The following ZNF365 variants were observed in gnomAD, a reference collection of about 807,000 sequenced individuals.
The protein encoded by ZNF365 is protein ZNF365.
ZNF365 carries 22 observed loss-of-function variants against 35.0 expected under a neutral mutation model. The ratio of observed to expected loss-of-function variants is 0.63; its 90% CI spans 0.45 to 0.90. ZNF365 has a LOEUF of 0.90. ZNF365 is among the 40% of genes least tolerant of loss of function. The pLI is 0.00. For synonymous variants in ZNF365, 188 were observed against 196.2 expected, an observed-to-expected ratio of 0.96 and a Z score of 0.35; for missense variants, 448 against 500.3, an observed-to-expected ratio of 0.90 and a Z score of 1.00.
chr10:62,459,911 A>T (rs1564598220), intron 4 of ZNF365: 1 of 874,294 alleles, frequency 1.1e-6, no homozygotes, highest in Non-Finnish European at 1.8e-6. Flanking sequence ...TTTCTGTATG[A>T]AAACACACAT....
intron 4 of ZNF365, among the ~76,000 whole-genome samples, chr10:62,474,954 C>T (rs1351173311): frequency 3.3e-5 from 5 of 152,192 alleles, no homozygotes. Flanking sequence ...TCCAACCCTA[C>T]TTCTTTACTT....
At chr10:62,388,257 A>G (rs1839556740) in intron 2 of ZNF365, 139 bp from the exon 3 acceptor site, 1 of 811,780 alleles carries the variant, frequency 1.2e-6, no homozygotes, top group African/African-American at 1.7e-5. Context: ...CAAAGAGGTG[A>G]TTACCTCTCT....
exon 5 of ZNF365, chr10:62,480,019 C>CCTG: frequency 6.7e-7 from 1 of 1,482,926 alleles, no homozygotes; most frequent in South Asian, 1.3e-5. Flanking sequence ...ACTCCAGGAA[C>CCTG]TTTACAAGAA....
At chr10:62,407,191 C>A (rs117879220), downstream of ZNF365, among the ~76,000 whole-genome samples, 20 of 152,108 alleles carry the variant, frequency 1.3e-4, no homozygotes, top group Non-Finnish European at 2.9e-5. Context: ...CAAAAATAAA[C>A]CAAGCTGGCA....
chr10:62,468,094 C>T (rs542629168), intron 4 of ZNF365, among the ~76,000 whole-genome samples: 8 of 152,134 alleles, frequency 5.3e-5, no homozygotes, highest in African/African-American at 9.6e-5. Context: ...CTTTATGAGT[C>T]GCTTTAAGAT....
exon 5 of ZNF365, chr10:62,480,048 C>A: frequency 1.4e-6 from 2 of 1,379,980 alleles, no homozygotes; most frequent in South Asian, 2.9e-5. Flanking sequence ...TACTTGGTGA[C>A]TTTACTCACC....
chr10:62,441,739 A>G (rs560679425), intron 3 of ZNF365, among the ~76,000 whole-genome samples: 2 of 152,318 alleles, frequency 1.3e-5, no homozygotes, highest in East Asian at 3.9e-4. Context: ...TACAATGTCC[A>G]GCAAATAACT....
rs575331481 is a variant in ZNF365, at chr10:62,431,327, G to A, written c.925-28414G>A. On this transcript the variant is annotated intron_variant, in intron 3 of 4. Coordinates refer to the ZNF365 transcript ENST00000395255. ...CCAGAATTGTCTATGCAGAAACAAAGTTATGTGTATATAAATATAAACACT... is the reference window on the plus strand; with the variant it reads ...CCAGAATTGTCTATGCAGAAACAAAATTATGTGTATATAAATATAAACACT... Among the ~76,000 whole-genome samples the A allele has an allele frequency of 2.0e-5, 3 of 152,246 alleles. No individual in the cohort carries two copies. In the East Asian group the frequency reaches 5.8e-4, roughly 29 times the overall value.
At chr10:62,435,980 G>A (rs1217559954) in intron 3 of ZNF365, among the ~76,000 whole-genome samples, 1 of 152,138 alleles carries the variant, frequency 6.6e-6, no homozygotes, top group Non-Finnish European at 1.5e-5. Context: ...TTAATGCTTG[G>A]AATGTAGGAT....
chr10:62,428,636 T>G (rs1348883525), intron 3 of ZNF365, among the ~76,000 whole-genome samples: 1 of 152,186 alleles, frequency 6.6e-6, no homozygotes, highest in Non-Finnish European at 1.5e-5. Context: ...GAGAGCGGAC[T>G]AATACAGGTC....
downstream of ZNF365, among the ~76,000 whole-genome samples, chr10:62,403,695 C>T (rs886783837): frequency 3.3e-5 from 5 of 152,124 alleles, no homozygotes; most frequent in African/African-American, 1.2e-4. Flanking sequence ...AAAAAAAGAA[C>T]TGGACCCACT....
intron 3 of ZNF365, among the ~76,000 whole-genome samples, chr10:62,452,711 T>C (rs532904387): frequency 6.6e-6 from 1 of 152,388 alleles, no homozygotes; most frequent in South Asian, 2.1e-4. Context: ...TCTCTTTAGA[T>C]CAATACACCC....
chr10:62,421,219 AT>A (rs1402652262), intron 3 of ZNF365, among the ~76,000 whole-genome samples: 3 of 152,198 alleles, frequency 2.0e-5, no homozygotes, highest in Admixed American at 6.5e-5. Flanking sequence ...TAGTTCACAA[AT>A]TGAACAGGTC....
At chr10:62,431,404 G>T (rs76162642) in intron 3 of ZNF365, among the ~76,000 whole-genome samples, 2 of 152,030 alleles carry the variant, frequency 1.3e-5, no homozygotes, top group African/African-American at 2.4e-5. Context: ...TTCTTGTTTC[G>T]CTTCATATCA....
At chr10:62,440,546 G>A (rs12246246) in intron 3 of ZNF365, among the ~76,000 whole-genome samples, 1 of 152,178 alleles carries the variant, frequency 6.6e-6, no homozygotes, top group African/African-American at 2.4e-5. Flanking sequence ...GGGTGAATAA[G>A]TAGGGGGAGA....
intron 3 of ZNF365, among the ~76,000 whole-genome samples, chr10:62,415,865 C>T (rs1405220142): frequency 6.6e-6 from 1 of 152,138 alleles, no homozygotes; most frequent in Non-Finnish European, 1.5e-5. Flanking sequence ...AAAGTGACTG[C>T]CTCTTACCAA....
rs549030186 is a variant in ZNF365, at chr10:62,401,069, G to A, written c.*1280G>A. ...ATTTAGCAATATCATCAGGTCTCTT[G>A]CAGAGTTTACAAGTGCTGACATTCT... On this transcript the variant is annotated 3_prime_UTR_variant, in exon 5 of 5. Transcript: ENST00000395254. The A allele has an allele frequency of 3.0e-6, 3 of 985,310 alleles. No individual in the cohort carries two copies. Among genetic ancestry groups the A allele is most frequent in the East Asian group, 1.1e-4 (1 of 8,956 alleles). 61.0% of individuals were successfully genotyped at this position (985,310 alleles called of 1,614,324 possible). A position where few individuals can be genotyped will look rare whatever the true frequency, so the allele number is the denominator to read the frequency against.
chr10:62,435,805 C>A (rs1242651508), intron 3 of ZNF365, among the ~76,000 whole-genome samples: 1 of 152,152 alleles, frequency 6.6e-6, no homozygotes, highest in Non-Finnish European at 1.5e-5. Context: ...CTTTTAAAAA[C>A]CAGTCTCTTC....
chr10:62,394,598 A>G (rs1475045902), intron 3 of ZNF365, among the ~76,000 whole-genome samples: 1 of 152,232 alleles, frequency 6.6e-6, no homozygotes, highest in East Asian at 1.9e-4. Context: ...GAGCATAAAG[A>G]TAAAATATCT....
Sources: allele counts gnomAD v4.1 joint callset (sites outside exome capture counted in the v4.1 genomes callset), GRCh38; gene constraint gnomAD v4.1.1; transcripts MANE v1.5; gene names NCBI Gene and HGNC (gene_info 2026-07-23, HGNC 2026-07-21).